Variants in MLANA observed in about 807,000 individuals in gnomAD.
MLANA encodes melan-A.
MLANA carries 21 observed loss-of-function variants against 15.7 expected under a neutral mutation model. The observed-to-expected ratio is 1.33, with a 90% CI of 0.95 to 1.92. The LOEUF (loss-of-function observed/expected upper bound fraction) is 1.92, where lower values mean the gene tolerates loss of function less well. MLANA is among the 40% of genes most tolerant of loss of function. The probability of loss-of-function intolerance (pLI) is 0.00; values close to 1 mark genes in which losing one functional copy is unlikely to be tolerated. For missense variants in MLANA, 164 were observed against 143.8 expected, an observed-to-expected ratio of 1.14 and a Z score of -0.72; for synonymous variants, 56 against 51.5, an observed-to-expected ratio of 1.09 and a Z score of -0.37.
At position 5,903,248 on chromosome 9, in the gene MLANA, G is replaced by A. The variant is rs1832564609; in HGVS notation, c.175-3637G>A. Among the ~76,000 whole-genome samples, 6 of 152,124 alleles carry A rather than the reference G, an allele frequency of 3.9e-5. No individual in the cohort carries two copies. The South Asian group carries it at 1.2e-3, about 32-fold the overall frequency. On this transcript the variant is annotated intron_variant, in intron 3 of 4. Transcript: ENST00000381477. ...GATGTGTTTTGTGGCCCAGAATGTG[G>A]TTTATCCTGGTTAATGTTCTGAGCT...
intron 3 of MLANA, chr9:5,899,173 T>C (rs1378569524): frequency 1.3e-5 from 2 of 152,140 alleles, no homozygotes; most frequent in African/African-American, 4.8e-5. Flanking sequence ...GGTTGATGCA[T>C]AATGGAAAAA....
intron 1 of MLANA, chr9:5,891,234 TCTC>T (rs1178138345): frequency 2.0e-5 from 3 of 152,170 alleles, no homozygotes; most frequent in Non-Finnish European, 2.9e-5. Context: ...AAGAACCACT[TCTC>T]CTGGTCTGAG....
At chr9:5,900,334 G>C (rs560755325) in intron 3 of MLANA, among the ~76,000 whole-genome samples, 1 of 151,902 alleles carries the variant, frequency 6.6e-6, no homozygotes, top group African/African-American at 2.4e-5. Context: ...AGAGGGAATC[G>C]TGTTTAAATT....
rs1196818425 is a variant in MLANA at position 5,897,669 on chromosome 9, A to G, written c.174+16A>G. ...AGCCTTGATGGTTGGTAAAGTTCCC[A>G]CTGCTGAAATCCCTCCAAGTCCAGG... is the stretch of plus-strand genomic sequence containing the variant. On this transcript the variant is annotated intron_variant, in intron 3 of 4. Coordinates refer to ENST00000381477, the MANE Select transcript of MLANA (RefSeq NM_005511.2). 1.2e-6 allele frequency: 2 copies of G among 1,603,554 alleles called. No individual in the cohort carries two copies. Among genetic ancestry groups the G allele is most frequent in the Non-Finnish European group, 8.5e-7 (1 of 1,170,434 alleles).
intron 3 of MLANA, among the ~76,000 whole-genome samples, chr9:5,902,545 A>G (rs1832504998): frequency 6.6e-6 from 1 of 150,712 alleles, no homozygotes; most frequent in Non-Finnish European, 1.5e-5. Flanking sequence ...GCTCACTGTT[A>G]CCTTGAACTC....
At chr9:5,904,003 G>A (rs1832624752) in intron 3 of MLANA, among the ~76,000 whole-genome samples, 1 of 151,958 alleles carries the variant, frequency 6.6e-6, no homozygotes, top group Non-Finnish European at 1.5e-5. Flanking sequence ...TATTACAGGT[G>A]TGCGCCACCA....
intron 3 of MLANA, among the ~76,000 whole-genome samples, chr9:5,901,071 A>G (rs1234023908): frequency 6.6e-6 from 1 of 152,168 alleles, no homozygotes; most frequent in Non-Finnish European, 1.5e-5. Flanking sequence ...GTAAATACAG[A>G]GAACTGGCAG....
chr9:5,899,319 G>T (rs1832260263), intron 3 of MLANA: 1 of 152,196 alleles, frequency 6.6e-6, no homozygotes, highest in Non-Finnish European at 1.5e-5. Context: ...ATAAGGAGAA[G>T]GTGAGAGATA....
chr9:5,894,748 T>C lies in MLANA; in HGVS notation c.77+2197T>C, dbSNP rs1372963576. On this transcript the variant is annotated intron_variant, in intron 2 of 4. Coordinates refer to ENST00000381477, the MANE Select transcript of MLANA (RefSeq NM_005511.2). This position sits in a 1 kb window ranked among gnomAD's most constrained non-coding sequence, Gnocchi z 4.0. ...GCACACTGGAAGGAGCTGCTCCTTC[T>C]TGATGCCCCAGGTTTGTAGGCACCC... is the stretch of plus-strand genomic sequence containing the variant. Among the ~76,000 whole-genome samples, 2 of 152,140 alleles carry C rather than the reference T, an allele frequency of 1.3e-5. No individual in the cohort carries two copies. Among genetic ancestry groups the C allele is most frequent in the African/African-American group, 2.4e-5 (1 of 41,438 alleles).
chr9:5,893,636 G>C (rs1243035558), intron 2 of MLANA, among the ~76,000 whole-genome samples: 6 of 152,146 alleles, frequency 3.9e-5, no homozygotes, highest in Non-Finnish European at 7.4e-5. Flanking sequence ...CGTGCTATTA[G>C]TTAGGGTATC....
intron 3 of MLANA, among the ~76,000 whole-genome samples, chr9:5,903,097 A>C (rs1207743768): frequency 6.6e-6 from 1 of 151,916 alleles, no homozygotes; most frequent in African/African-American, 2.4e-5. Flanking sequence ...TGTTATGTAG[A>C]AGTGTGTTGT....
chr9:5,907,413 G>C (rs1324172531), intron 4 of MLANA, among the ~76,000 whole-genome samples: 1 of 152,208 alleles, frequency 6.6e-6, no homozygotes, highest in Non-Finnish European at 1.5e-5. Flanking sequence ...TGTGCTGTCT[G>C]ATGGCTTAGC....
At chr9:5,898,966 A>G (rs547241820) in intron 3 of MLANA, 1 of 152,282 alleles carries the variant, frequency 6.6e-6, no homozygotes, top group South Asian at 2.1e-4. Flanking sequence ...AGCTAACACA[A>G]TTACACAATC....
intron 3 of MLANA, among the ~76,000 whole-genome samples, chr9:5,902,574 A>G (rs1263214270): frequency 6.6e-6 from 1 of 151,766 alleles, no homozygotes; most frequent in East Asian, 1.9e-4. Context: ...AAGCACTCCA[A>G]TCCTCCTGGC....
rs541294164 is a variant in MLANA, at chr9:5,899,934, A to G, written c.174+2281A>G. On this transcript the variant is annotated intron_variant, in intron 3 of 4. Transcript: ENST00000381477. ...TTCACTAGCTCTATTTTACACCCAG[A>G]CATGTTGGAAATCTGTGATGTAACA... 3.3e-5 allele frequency among the ~76,000 whole-genome samples: 5 copies of G among 152,164 alleles called. No homozygotes were observed. The South Asian group carries it at 1.0e-3, about 32-fold the overall frequency.
In MLANA at chr9:5,898,047, G is replaced by T. The variant is rs565664179; in HGVS notation, c.174+394G>T. The T allele has an allele frequency of 5.0e-5, 9 of 180,646 alleles. No homozygotes were observed. The South Asian group carries it at 1.0e-3, about 20-fold the overall frequency. 11.2% of individuals were successfully genotyped at this position (180,646 alleles called of 1,614,324 possible). A position where few individuals can be genotyped will look rare whatever the true frequency, so the allele number is the denominator to read the frequency against. ...GGCAAGGGAGTGAGAGAGCAAGAGGGAGCTGAACTCATTTTTTTTTTTTCT... is the reference window on the plus strand; with the variant it reads ...GGCAAGGGAGTGAGAGAGCAAGAGGTAGCTGAACTCATTTTTTTTTTTTCT... On this transcript the variant is annotated intron_variant, in intron 3 of 4. Coordinates refer to ENST00000381477, the MANE Select transcript of MLANA (RefSeq NM_005511.2).
intron 3 of MLANA, among the ~76,000 whole-genome samples, chr9:5,898,382 T>C (rs1198459681): frequency 6.6e-6 from 1 of 152,134 alleles, no homozygotes; most frequent in Non-Finnish European, 1.5e-5. Context: ...ACTTTTGCAA[T>C]AACAAACACA....
At chr9:5,905,149 T>C (rs928758172) in intron 3 of MLANA, among the ~76,000 whole-genome samples, 1 of 152,232 alleles carries the variant, frequency 6.6e-6, no homozygotes, top group African/African-American at 2.4e-5. Context: ...TCAAATCCAC[T>C]TTCAAATAAC....
At chr9:5,900,137 A>G (rs558405700) in intron 3 of MLANA, among the ~76,000 whole-genome samples, 1 of 152,214 alleles carries the variant, frequency 6.6e-6, no homozygotes, top group Non-Finnish European at 1.5e-5. Flanking sequence ...ACACAAATGC[A>G]GTAATTTTTC....
Sources: allele counts gnomAD v4.1 joint callset (sites outside exome capture counted in the v4.1 genomes callset), GRCh38; gene constraint gnomAD v4.1.1; non-coding constraint Gnocchi (gnomAD v3.1); transcripts MANE v1.5; gene names NCBI Gene and HGNC (gene_info 2026-07-23, HGNC 2026-07-21).